HSF2: variants seen among roughly 807,000 people sequenced by gnomAD.
HSF2 encodes heat shock transcription factor 2.
HSF2 carries 21 observed loss-of-function variants against 65.0 expected under a neutral mutation model. The observed-to-expected ratio is 0.32, with a 90% confidence interval of 0.23 to 0.47. The LOEUF (loss-of-function observed/expected upper bound fraction) is 0.47, where lower values mean the gene tolerates loss of function less well. HSF2 is among the 20% of genes least tolerant of loss of function. The pLI, the probability that HSF2 is intolerant of heterozygous loss-of-function variation, is 1.00. For synonymous variants in HSF2, 225 were observed against 219.1 expected (o/e 1.03, Z -0.24); for missense variants, 499 against 628.1 (o/e 0.79, Z 2.20).
intron 6 of HSF2, 87 bp downstream of exon 6, chr6:122,419,316 G>C: frequency 1.7e-6 from 1 of 603,980 alleles, no homozygotes; most frequent in Admixed American, 3.1e-5. Flanking sequence ...CACTTGCTGA[G>C]TATGTGCTTG....
rs1773667500 is a variant in HSF2, at chr6:122,399,677, TGCCGCCGCCG to T, written c.-60_-51del. 2.8e-6 allele frequency: 4 copies of T among 1,426,920 alleles called. No homozygotes were observed. Among genetic ancestry groups the T allele is most frequent in the Non-Finnish European group, 3.9e-6 (4 of 1,022,046 alleles). 88.4% of individuals were successfully genotyped at this position (1,426,920 alleles called of 1,614,324 possible). ...GTTCTCGGGGAGCTGCTGCCGTAGCTGCCGCCGCCGCTACCACCGCGTTCGGGTGTAGAAT... is the reference window on the plus strand; with the variant it reads ...GTTCTCGGGGAGCTGCTGCCGTAGCTCTACCACCGCGTTCGGGTGTAGAAT... On this transcript the variant is annotated 5_prime_UTR_variant, in exon 1 of 13. Coordinates refer to ENST00000368455, the MANE Select transcript of HSF2 (RefSeq NM_004506.4).
chr6:122,428,055 A>G (rs953165687), intron 11 of HSF2, 99 bp downstream of exon 11: 4 of 678,552 alleles, frequency 5.9e-6, no homozygotes, highest in Non-Finnish European at 1.0e-5. Context: ...CACAAAAAGC[A>G]TTTTATATTC....
chr6:122,417,100 G>T (rs1774143622), intron 5 of HSF2, among the ~76,000 whole-genome samples: 1 of 151,942 alleles, frequency 6.6e-6, no homozygotes, highest in African/African-American at 2.4e-5. Context: ...TTAAAGCAGA[G>T]ATGAGTAGCA....
chr6:122,420,813 G>A (rs548742957), intron 7 of HSF2, among the ~76,000 whole-genome samples: 2 of 142,586 alleles, frequency 1.4e-5, no homozygotes, highest in South Asian at 4.6e-4. Context: ...CTGGGCCCAG[G>A]CAATTCTCCT....
chr6:122,415,967 A>G (rs1465827473), intron 4 of HSF2, among the ~76,000 whole-genome samples: 1 of 152,170 alleles, frequency 6.6e-6, no homozygotes, highest in African/African-American at 2.4e-5. Flanking sequence ...CAATGAGCCG[A>G]GATCGTACCA....
chr6:122,414,082 A>C (rs562792662), intron 4 of HSF2, among the ~76,000 whole-genome samples: 2 of 152,248 alleles, frequency 1.3e-5, no homozygotes, highest in East Asian at 3.9e-4. Flanking sequence ...TCTTAGGAAA[A>C]AGTAGGACAC....
At chr6:122,424,270 C>T (rs959525467) in intron 10 of HSF2, among the ~76,000 whole-genome samples, 1 of 152,016 alleles carries the variant, frequency 6.6e-6, no homozygotes, top group Non-Finnish European at 1.5e-5. Flanking sequence ...ACTCTATTCT[C>T]TCTTGTTCCT....
intron 7 of HSF2, among the ~76,000 whole-genome samples, 196 bp from the exon 8 acceptor site, chr6:122,421,953 TA>T (rs1311203147): frequency 6.6e-6 from 1 of 152,130 alleles, no homozygotes; most frequent in African/African-American, 2.4e-5. Flanking sequence ...AGAATGCAGT[TA>T]ATATACCTCA....
Position 122,416,230 on chromosome 6 carries a change from G to A in HSF2, c.465G>A (p.Glu155=). ...SRLSELKSEN[E]SLWKEVSELR... ...ATAAATTATAACATAGTGAGAATGA[G>A]TCCCTTTGGAAGGAGGTGTCAGAAT... The change falls in exon 5 of 13, where the codon GAG becomes GAA. Residue 155 remains glutamate, a synonymous_variant. Coordinates refer to ENST00000368455, the MANE Select transcript of HSF2 (RefSeq NM_004506.4). The A allele has an allele frequency of 6.3e-7, 1 of 1,599,372 alleles. No homozygotes were observed. The highest frequency in any genetic ancestry group is 1.1e-5 in the South Asian group (1 of 90,630).
rs149946798 is a variant in HSF2, at chr6:122,416,412, A to T, written c.531+116A>T. ...TTGATCTTAGTTTCTTACATATTGG[A>T]TGCACAGATAGAAGTAAAAAATGAA... is the stretch of plus-strand genomic sequence containing the variant. On this transcript the variant is annotated intron_variant, in intron 5 of 12. Coordinates refer to ENST00000368455, the MANE Select transcript of HSF2 (RefSeq NM_004506.4). 264 of 566,162 alleles carry T rather than the reference A, an allele frequency of 4.7e-4. 2 individuals are homozygous for T. In the East Asian group the frequency reaches 7.0e-3, roughly 15 times the overall value. 35.1% of individuals were successfully genotyped at this position (566,162 alleles called of 1,614,324 possible). A position where few individuals can be genotyped will look rare whatever the true frequency, so the allele number is the denominator to read the frequency against.
chr6:122,404,732 G>A (rs184251336), intron 1 of HSF2, among the ~76,000 whole-genome samples: 7 of 152,296 alleles, frequency 4.6e-5, no homozygotes, highest in Admixed American at 4.6e-4. Flanking sequence ...AATACTTAGG[G>A]AGATTCTGTG....
intron 10 of HSF2, among the ~76,000 whole-genome samples, chr6:122,424,272 C>G (rs181576363): frequency 1.4e-4 from 22 of 152,198 alleles, no homozygotes; most frequent in African/African-American, 4.8e-4. Flanking sequence ...TCTATTCTCT[C>G]TTGTTCCTGC....
Position 122,432,144 on chromosome 6 carries a change from G to C in HSF2, c.1535G>C (p.Ser512Thr). 1 of 1,614,106 alleles carries C rather than the reference G, an allele frequency of 6.2e-7. No individual in the cohort carries two copies. Among genetic ancestry groups the C allele is most frequent in the Non-Finnish European group, 8.5e-7 (1 of 1,179,956 alleles). The change falls in exon 13 of 13, where the codon AGT becomes ACT. Residue 512 changes from serine to threonine, a missense_variant. Around this residue, in one of 2 missense-constraint regions of HSF2, gnomAD observed 349 missense variants for 393.5 expected, o/e 0.89. Transcript: ENST00000368455. ...RLEPLTEAEASEATLFYLCEL... is the reference protein window; with the variant it reads ...RLEPLTEAEATEATLFYLCEL... ...GAGCCATTGACTGAAGCTGAAGCTAGTGAAGCTACACTGTTTTATTTATGT... is the reference window on the plus strand; with the variant it reads ...GAGCCATTGACTGAAGCTGAAGCTACTGAAGCTACACTGTTTTATTTATGT...
In HSF2 at chr6:122,399,699, T is replaced by C. The variant is rs773692202; in HGVS notation, c.-39T>C. The C allele has an allele frequency of 1.3e-6, 2 of 1,500,434 alleles. No individual in the cohort carries two copies. The highest frequency in any genetic ancestry group is 1.1e-5 in the South Asian group (1 of 87,078). 92.9% of individuals were successfully genotyped at this position (1,500,434 alleles called of 1,614,324 possible). On this transcript the variant is annotated 5_prime_UTR_variant, in exon 1 of 13. Transcript: ENST00000368455. ...AGCTGCCGCCGCCGCTACCACCGCG[T>C]TCGGGTGTAGAATTTGGAATCCCTG...
At chr6:122,417,659 T>C (rs1774153721) in intron 5 of HSF2, among the ~76,000 whole-genome samples, 1 of 152,156 alleles carries the variant, frequency 6.6e-6, no homozygotes, top group South Asian at 2.1e-4. Context: ...GCTGTAAGTG[T>C]TAGACGCCTT....
At position 122,401,287 on chromosome 6, in the gene HSF2, A is replaced by C. The variant is rs186024034; in HGVS notation, c.93+1457A>C. Reference sequence around the variant, plus strand: ...AAACACATGTCTCATGCTTTTCATCAGTTAGAAGGATTAAAAGTTGACAAG... The same window carrying C: ...AAACACATGTCTCATGCTTTTCATCCGTTAGAAGGATTAAAAGTTGACAAG... On this transcript the variant is annotated intron_variant, in intron 1 of 12. Coordinates refer to ENST00000368455, the MANE Select transcript of HSF2 (RefSeq NM_004506.4). Among the ~76,000 whole-genome samples, 231 of 152,344 alleles carry C rather than the reference A, an allele frequency of 1.5e-3. 1 individual carries two copies. Among genetic ancestry groups the C allele is most frequent in the Non-Finnish European group, 2.7e-3 (184 of 68,030 alleles).
chr6:122,423,026 C>CT, intron 9 of HSF2, 69 bp downstream of exon 9: 2 of 1,545,540 alleles, frequency 1.3e-6, no homozygotes, highest in Non-Finnish European at 8.9e-7. Context: ...TTCTGTTTCT[C>CT]TTTGAGTAAT....
In HSF2 at chr6:122,412,633, T is replaced by C; in HGVS notation, c.203-4T>C. ...TAGTCATTTGAATTTTGAATATTTT[T>C]CAGATGGTTTCCGTAAAGTAGTACA... is the stretch of plus-strand genomic sequence containing the variant. On this transcript the variant is annotated splice_region_variant and splice_polypyrimidine_tract_variant and intron_variant, in intron 2 of 12. Coordinates refer to ENST00000368455, the MANE Select transcript of HSF2 (RefSeq NM_004506.4). 1 of 1,608,094 alleles carries C rather than the reference T, an allele frequency of 6.2e-7. No homozygotes were observed.
At position 122,427,807 on chromosome 6, in the gene HSF2, A is replaced by T. The variant is rs1774370140; in HGVS notation, c.1177-96A>T. On this transcript the variant is annotated intron_variant, in intron 10 of 12. Transcript: ENST00000368455. ...ATAGAAGCTTCCTAGTGCAGGGGCT[A>T]CATCTCTTCACCCAACATGGCTGTA... The T allele has an allele frequency of 9.3e-6, 7 of 753,634 alleles. No individual in the cohort carries two copies. In the Admixed American group the frequency reaches 9.9e-5, roughly 11 times the overall value. 46.7% of individuals were successfully genotyped at this position (753,634 alleles called of 1,614,324 possible).
Sources: allele counts gnomAD v4.1 joint callset (sites outside exome capture counted in the v4.1 genomes callset), GRCh38; gene constraint gnomAD v4.1.1; regional missense constraint gnomAD v4.1.1; transcripts MANE v1.5; gene names NCBI Gene and HGNC (gene_info 2026-07-23, HGNC 2026-07-21).